Variants in ACOXL observed in about 807,000 individuals in gnomAD.
ACOXL encodes the protein acyl-coenzyme A oxidase-like protein.
ACOXL carries 70 observed loss-of-function variants against 71.9 expected under a neutral mutation model. The observed-to-expected ratio is 0.97, with a 90% CI of 0.80 to 1.19. ACOXL has a LOEUF of 1.19. Among genes scored for constraint, ACOXL ranks in the 50% most tolerant of loss-of-function variants. ACOXL has a pLI of 0.00. For missense variants in ACOXL, 703 were observed against 736.3 expected (o/e 0.95, Z 0.52); for synonymous variants, 253 against 281.6 (o/e 0.90, Z 1.02).
At chr2:110,763,235 T>G (rs1361942487) in intron 1 of ACOXL, among the ~76,000 whole-genome samples, 2 of 152,206 alleles carry the variant, frequency 1.3e-5, no homozygotes, top group East Asian at 3.9e-4. Context: ...CAATACAAAA[T>G]TGAAGGAGAA....
At chr2:110,878,403 G>C (rs1454680226) in intron 10 of ACOXL, among the ~76,000 whole-genome samples, 1 of 152,230 alleles carries the variant, frequency 6.6e-6, no homozygotes, top group Non-Finnish European at 1.5e-5. Context: ...AAATATTCAA[G>C]AGGAGTTAGG....
At chr2:110,935,639 G>A (rs1253110542) in intron 12 of ACOXL, among the ~76,000 whole-genome samples, 1 of 152,192 alleles carries the variant, frequency 6.6e-6, no homozygotes, top group African/African-American at 2.4e-5. Flanking sequence ...TCTGCGCCCA[G>A]TAGCTCCTGA....
At chr2:110,907,600 C>T (rs1210092498) in intron 10 of ACOXL, among the ~76,000 whole-genome samples, 1 of 152,080 alleles carries the variant, frequency 6.6e-6, no homozygotes, top group East Asian at 1.9e-4. Flanking sequence ...ATTCTTGAAA[C>T]AGTCATCTGT....
At position 110,963,771 on chromosome 2, in the gene ACOXL, A is replaced by C; in HGVS notation, c.1060-23337A>C. 2 of 1,598,972 alleles carry C rather than the reference A, an allele frequency of 1.3e-6. 1 individual carries two copies. Among genetic ancestry groups the C allele is most frequent in the South Asian group, 2.2e-5 (2 of 89,926 alleles). On this transcript the variant is annotated intron_variant, in intron 12 of 17. Transcript: ENST00000439055. ...GTTATCCAGAAGTCTGAAGTGTTTC[A>C]TATATTTTATCTTTATCTGATTGCC...
chr2:111,087,292 G>A (rs2068262482), intron 16 of ACOXL, among the ~76,000 whole-genome samples: 1 of 152,158 alleles, frequency 6.6e-6, no homozygotes, highest in Admixed American at 6.5e-5. Flanking sequence ...CACAGAAGTA[G>A]GGAAAGCTGT....
intron 10 of ACOXL, among the ~76,000 whole-genome samples, chr2:110,868,688 A>G (rs1248084583): frequency 6.6e-6 from 1 of 151,996 alleles, no homozygotes. Context: ...TCCCAGGCTC[A>G]GGTGATTCTT....
intron 1 of ACOXL, among the ~76,000 whole-genome samples, chr2:110,761,034 A>G (rs1185636316): frequency 6.6e-6 from 1 of 152,232 alleles, no homozygotes; most frequent in African/African-American, 2.4e-5. Context: ...TTGTATCTGC[A>G]AATAGTGATA....
intron 9 of ACOXL, among the ~76,000 whole-genome samples, chr2:110,828,640 C>T (rs945199841): frequency 1.3e-5 from 2 of 152,204 alleles, no homozygotes; most frequent in African/African-American, 4.8e-5. Flanking sequence ...GCCTTCTCAA[C>T]AAGCCTGTGA....
intron 12 of ACOXL, among the ~76,000 whole-genome samples, chr2:110,939,274 T>C (rs954366567): frequency 2.6e-5 from 4 of 152,152 alleles, no homozygotes; most frequent in African/African-American, 7.2e-5. Context: ...ATTACAAAAG[T>C]AATATATATC....
At chr2:110,845,318 CT>C (rs1691685908) in intron 10 of ACOXL, among the ~76,000 whole-genome samples, 1 of 152,154 alleles carries the variant, frequency 6.6e-6, no homozygotes, top group Admixed American at 6.5e-5. Context: ...TAAGGGTCTT[CT>C]TCTCATTCGT....
At chr2:110,826,784 TA>T (rs1689217382) in intron 9 of ACOXL, among the ~76,000 whole-genome samples, 1 of 151,834 alleles carries the variant, frequency 6.6e-6, no homozygotes, top group Non-Finnish European at 1.5e-5. Flanking sequence ...TTTTTTGTTT[TA>T]AGGAGCAATT....
chr2:110,783,196 T>G (rs1237661992), intron 2 of ACOXL, among the ~76,000 whole-genome samples: 1 of 152,182 alleles, frequency 6.6e-6, no homozygotes, highest in Non-Finnish European at 1.5e-5. Flanking sequence ...GTCTTTCCTG[T>G]CCTGTTAGCC....
At chr2:110,955,284 C>T (rs1050970887) in intron 12 of ACOXL, among the ~76,000 whole-genome samples, 1 of 151,836 alleles carries the variant, frequency 6.6e-6, no homozygotes, top group Non-Finnish European at 1.5e-5. Context: ...TAATCTTCTG[C>T]TTGTCTTTTA....
rs144159453 is a variant in ACOXL, at chr2:110,824,527, T to G, written c.754-16844T>G. On this transcript the variant is annotated intron_variant, in intron 9 of 17. Transcript: ENST00000439055. ...ATGTTCATTTTTAAGTCTCTTTTTC[T>G]CTCTCTTTTGGGTAATTTATATTAA... 4.3e-4 allele frequency among the ~76,000 whole-genome samples: 66 copies of G among 152,314 alleles called. 1 individual carries two copies. In the East Asian group the frequency reaches 0.013, roughly 29 times the overall value.
intron 1 of ACOXL, among the ~76,000 whole-genome samples, chr2:110,766,790 A>G: frequency 6.6e-6 from 1 of 152,108 alleles, no homozygotes; most frequent in East Asian, 1.9e-4. Flanking sequence ...CTGGGTATAG[A>G]TGGCCACTAC....
At chr2:110,893,961 A>G (rs911244816) in intron 10 of ACOXL, among the ~76,000 whole-genome samples, 3 of 152,154 alleles carry the variant, frequency 2.0e-5, no homozygotes, top group Non-Finnish European at 4.4e-5. Context: ...ACATCTGTGC[A>G]TGGCCTCTCT....
chr2:111,027,789 A>G (rs1411380256), intron 14 of ACOXL, among the ~76,000 whole-genome samples: 1 of 152,204 alleles, frequency 6.6e-6, no homozygotes, highest in Non-Finnish European at 1.5e-5. Context: ...ACCATGGTTC[A>G]TGACTGGCAA....
intron 2 of ACOXL, among the ~76,000 whole-genome samples, chr2:110,772,017 A>G (rs72832809): frequency 0.024 from 3,624 of 152,340 alleles, 68 homozygotes; most frequent in East Asian, 0.055. Flanking sequence ...TGACAGCTCA[A>G]GTTGACTGAG....
intron 1 of ACOXL, among the ~76,000 whole-genome samples, chr2:110,733,377 A>G (rs1676432303): frequency 6.6e-6 from 1 of 152,134 alleles, no homozygotes; most frequent in Non-Finnish European, 1.5e-5. Context: ...AAGCAGGCAG[A>G]GGGTTGAGTG....
Sources: gnomAD v4.1 joint callset for allele counts (sites outside exome capture counted in the v4.1 genomes callset) on GRCh38, gnomAD v4.1.1 for gene constraint, MANE v1.5 for transcripts, NCBI Gene and HGNC (gene_info 2026-07-23, HGNC 2026-07-21) for gene names.